Variants in DNAH6 observed in about 807,000 individuals in gnomAD.
DNAH6 encodes axonemal beta dynein heavy chain 6.
In DNAH6, 340 loss-of-function variants were observed where a neutral mutation model predicts 491.4. The ratio of observed to expected loss-of-function variants is 0.69; its 90% CI spans 0.63 to 0.76. The LOEUF (loss-of-function observed/expected upper bound fraction) is 0.76, where lower values mean the gene tolerates loss of function less well. DNAH6 is among the 30% of genes least tolerant of loss of function. The pLI is 0.00. For synonymous variants in DNAH6, 1,603 were observed against 1,686.1 expected (o/e 0.95, Z 1.21); for missense variants, 4,443 against 4,972.2 (o/e 0.89, Z 3.20).
At chr2:84,552,127 G>A (rs998165283) in intron 9 of DNAH6, among the ~76,000 whole-genome samples, 1 of 150,842 alleles carries the variant, frequency 6.6e-6, no homozygotes, top group African/African-American at 2.4e-5. Context: ...GTTTTAATCT[G>A]TGTCGGTAAT....
At chr2:84,718,418 A>G (rs1558954598) in intron 59 of DNAH6, 34 bp downstream of exon 59, 27 of 1,462,518 alleles carry the variant, frequency 1.8e-5, no homozygotes, top group East Asian at 1.3e-4. Context: ...TATGGAAAGT[A>G]TGTTACTTCA....
intron 29 of DNAH6, among the ~76,000 whole-genome samples, chr2:84,626,654 A>G (rs1272759935): frequency 6.6e-6 from 1 of 151,924 alleles, no homozygotes; most frequent in African/African-American, 2.4e-5. Context: ...ATTGCCCAGG[A>G]TGCAGTGGCT....
Position 84,710,381 on chromosome 2 carries a change from T to C in DNAH6, c.9347T>C (p.Ile3116Thr), listed in dbSNP as rs746328818. ...SNFLRILENS[I>T]RLGLPVLLEE... ...TTCTTACGAATACTCGAGAATTCAA[T>C]CCGACTTGGTTTACCTGTCTTACTG... Residue 3116 changes from isoleucine to threonine, a missense_variant, in exon 56 of 77, where the codon ATC becomes ACC. Ile to Thr is a moderately conservative substitution (Grantham distance 89). This residue lies in a region of DNAH6 where 1,463 missense variants were observed against 1,656.6 expected (regional missense o/e 0.88). Transcript: ENST00000389394. The C allele has an allele frequency of 1.2e-5, 18 of 1,551,718 alleles. No individual in the cohort carries two copies. Among genetic ancestry groups the C allele is most frequent in the Non-Finnish European group, 8.7e-7 (1 of 1,146,984 alleles).
At chr2:84,696,406 G>A (rs1466764199) in intron 46 of DNAH6, among the ~76,000 whole-genome samples, 1 of 151,810 alleles carries the variant, frequency 6.6e-6, no homozygotes, top group Non-Finnish European at 1.5e-5. Flanking sequence ...TAAGAAAAAT[G>A]AACTTAATAT....
chr2:84,725,939 A>G (rs1179531852), intron 60 of DNAH6, among the ~76,000 whole-genome samples: 1 of 152,124 alleles, frequency 6.6e-6, no homozygotes, highest in East Asian at 1.9e-4. Flanking sequence ...AAACTCTATT[A>G]CCTTTGTCAA....
the DNAH6 span, among the ~76,000 whole-genome samples, chr2:84,466,017 A>G: frequency 6.6e-6 from 1 of 152,202 alleles, no homozygotes; most frequent in Admixed American, 6.5e-5. Context: ...CTCAGATAAG[A>G]CTTTTTTAAA....
chr2:84,513,790 A>G (rs986428448), upstream of DNAH6, among the ~76,000 whole-genome samples: 1 of 152,120 alleles, frequency 6.6e-6, no homozygotes, highest in African/African-American at 2.4e-5. Flanking sequence ...CCCAGACCAC[A>G]TAGGTAGTGT....
intron 29 of DNAH6, among the ~76,000 whole-genome samples, chr2:84,632,329 G>A (rs887685242): frequency 5.3e-5 from 8 of 152,112 alleles, no homozygotes; most frequent in Non-Finnish European, 8.8e-5. Flanking sequence ...GTCACCAGCC[G>A]TGTCAGGGCT....
chr2:84,743,236 A>G (rs1464360372), intron 62 of DNAH6, among the ~76,000 whole-genome samples: 2 of 152,222 alleles, frequency 1.3e-5, no homozygotes, highest in African/African-American at 4.8e-5. Context: ...TAATTTTTTC[A>G]TAGAAAGCAC....
At chr2:84,585,643 C>A (rs1037777506) in intron 15 of DNAH6, among the ~76,000 whole-genome samples, 1 of 152,082 alleles carries the variant, frequency 6.6e-6, no homozygotes, top group African/African-American at 2.4e-5. Flanking sequence ...AGCTGGTTTT[C>A]CCGATGTATG....
At position 84,516,986 on chromosome 2, in the gene DNAH6, CAT is replaced by C. The variant is rs1462527129; in HGVS notation, c.-9+406_-9+407del. 2.1e-4 allele frequency among the ~76,000 whole-genome samples: 32 copies of C among 152,260 alleles called. No individual in the cohort carries two copies. The South Asian group carries it at 2.5e-3, about 12-fold the overall frequency. Reference sequence around the variant, plus strand: ...TATGTTTTGTATATGGTAAATAAAACATATTATTAAAATTAATCTCACCTATT... The same window carrying C: ...TATGTTTTGTATATGGTAAATAAAACATTATTAAAATTAATCTCACCTATT... On this transcript the variant is annotated intron_variant, in intron 1 of 76. Coordinates refer to ENST00000389394, the MANE Select transcript of DNAH6 (RefSeq NM_001370.2).
intron 32 of DNAH6, 78 bp downstream of exon 32, chr2:84,640,656 T>C: frequency 1.5e-6 from 2 of 1,352,538 alleles, no homozygotes; most frequent in Non-Finnish European, 2.0e-6. Context: ...CAGGAAAGGC[T>C]CTCAGAGAGT....
At chr2:84,714,513 A>G (rs1050417877) in intron 57 of DNAH6, among the ~76,000 whole-genome samples, 5 of 152,166 alleles carry the variant, frequency 3.3e-5, no homozygotes, top group South Asian at 2.1e-4. Context: ...ATATAGTTAG[A>G]TAGACTAAAT....
At chr2:84,559,735 G>A (rs1004483608) in intron 11 of DNAH6, among the ~76,000 whole-genome samples, 16 of 152,062 alleles carry the variant, frequency 1.1e-4, no homozygotes, top group African/African-American at 3.9e-4. Context: ...TAACAGCCAT[G>A]AAGCAAAAAC....
rs372859641 is a variant in DNAH6, at chr2:84,737,087, A to G, written c.10342+3508A>G. On this transcript the variant is annotated intron_variant, in intron 62 of 76. Coordinates refer to ENST00000389394, the MANE Select transcript of DNAH6 (RefSeq NM_001370.2). ...CTTTTCCTCGTCTATTGAGGTGATC[A>G]TATGGTTTTTGATTTTAGTCCTGTT... is the stretch of plus-strand genomic sequence containing the variant. 1.1e-4 allele frequency among the ~76,000 whole-genome samples: 17 copies of G among 152,222 alleles called. No homozygotes were observed. The East Asian group carries it at 2.9e-3, about 26-fold the overall frequency.
chr2:84,682,389 G>A (rs78210809), intron 42 of DNAH6, among the ~76,000 whole-genome samples: 6 of 152,120 alleles, frequency 3.9e-5, no homozygotes, highest in African/African-American at 4.8e-5. Flanking sequence ...TGTTGGGGCC[G>A]CAGGGCTCGG....
intron 29 of DNAH6, among the ~76,000 whole-genome samples, chr2:84,626,213 T>C (rs1286509866): frequency 6.6e-6 from 1 of 152,188 alleles, no homozygotes; most frequent in African/African-American, 2.4e-5. Flanking sequence ...TCTATATTTT[T>C]ATGTACCCAC....
chr2:84,694,592 T>A (rs1450316952), intron 46 of DNAH6, 112 bp downstream of exon 46: 8 of 711,448 alleles, frequency 1.1e-5, no homozygotes, highest in Non-Finnish European at 1.4e-5. Flanking sequence ...TTCCCTTTGA[T>A]AACAGATTTC....
chr2:84,644,151 T>C lies in DNAH6; in HGVS notation c.5078+2097T>C, dbSNP rs551995618. Among the ~76,000 whole-genome samples the C allele has an allele frequency of 5.9e-5, 9 of 152,254 alleles. No individual in the cohort carries two copies. In the South Asian group the frequency reaches 1.9e-3, roughly 32 times the overall value. On this transcript the variant is annotated intron_variant, in intron 33 of 76. Transcript: ENST00000389394. The stretch of plus-strand genomic sequence containing the variant: ...TTCATAAGTGTTTCTCAGTTTCTTC[T>C]CCCCGTTAGGTGGTACAGGGTGGCT...
Sources: gnomAD v4.1 joint callset for allele counts (sites outside exome capture counted in the v4.1 genomes callset) on GRCh38, gnomAD v4.1.1 for gene constraint, gnomAD v4.1.1 regional missense constraint, MANE v1.5 for transcripts, NCBI Gene and HGNC (gene_info 2026-07-23, HGNC 2026-07-21) for gene names.